VPS13B: variants seen among roughly 807,000 people sequenced by gnomAD.
VPS13B encodes vacuolar protein sorting 13 homolog B.
A neutral mutation model predicts 426.4 loss-of-function variants in VPS13B; 285 were observed. The ratio of observed to expected loss-of-function variants is 0.67; its 90% CI spans 0.61 to 0.74. VPS13B has a LOEUF of 0.74. Ranked by LOEUF, VPS13B falls within the 30% of genes least tolerant of loss-of-function variation. The pLI is 0.00. For synonymous variants in VPS13B, 1,676 were observed against 1,676.4 expected (o/e 1.00, Z 0.01); for missense variants, 4,537 against 4,782.6 (o/e 0.95, Z 1.51).
At chr8:99,529,165 A>T (rs1178067759) in intron 30 of VPS13B, among the ~76,000 whole-genome samples, 2 of 152,182 alleles carry the variant, frequency 1.3e-5, no homozygotes, top group African/African-American at 2.4e-5. Context: ...AAGTGTATGC[A>T]ATACTCCTCC....
In VPS13B at chr8:99,425,300, G is replaced by A. The variant is rs182246087; in HGVS notation, c.3083-6237G>A. On this transcript the variant is annotated intron_variant, in intron 21 of 61. Transcript: ENST00000357162. Reference sequence around the variant, plus strand: ...TAGACCAATATCCCTGATGAACATCGATGCAAAAATCCTCAATAAAATACT... The same window carrying A: ...TAGACCAATATCCCTGATGAACATCAATGCAAAAATCCTCAATAAAATACT... Among the ~76,000 whole-genome samples, 471 of 152,224 alleles carry A rather than the reference G, an allele frequency of 3.1e-3. 2 individuals are homozygous for A. The highest frequency in any genetic ancestry group is 1.0e-2 in the African/African-American group (414 of 41,546).
chr8:99,080,003 A>G (rs971301707), intron 3 of VPS13B, among the ~76,000 whole-genome samples: 4 of 150,714 alleles, frequency 2.7e-5, no homozygotes, highest in Admixed American at 6.6e-5. Flanking sequence ...AATGTATCAT[A>G]TTATAATTAA....
intron 35 of VPS13B, among the ~76,000 whole-genome samples, chr8:99,666,086 A>T (rs1378447677): frequency 6.6e-6 from 1 of 152,210 alleles, no homozygotes; most frequent in Non-Finnish European, 1.5e-5. Flanking sequence ...AGCAATTGTG[A>T]ATGGGAGTTC....
In VPS13B at chr8:99,115,878, A is replaced by T. The variant is rs747875300; in HGVS notation, c.937+4A>T. 6.2e-7 allele frequency: 1 copy of T among 1,610,772 alleles called. No individual in the cohort carries two copies. Among genetic ancestry groups the T allele is most frequent in the Non-Finnish European group, 8.5e-7 (1 of 1,179,056 alleles). On this transcript the variant is annotated splice_donor_region_variant and intron_variant, in intron 7 of 61. Coordinates refer to ENST00000357162, the MANE Select transcript of VPS13B (RefSeq NM_152564.5). ...GATATGCTAGGAAACATTACAGGTA[A>T]TGTAAAACTTTATTAAACAAAAACT...
At chr8:99,695,439 A>C (rs902492037) in intron 35 of VPS13B, among the ~76,000 whole-genome samples, 2 of 149,866 alleles carry the variant, frequency 1.3e-5, no homozygotes, top group African/African-American at 4.9e-5. Flanking sequence ...TCAGTAAACT[A>C]TCGCAAGAAC....
intron 27 of VPS13B, among the ~76,000 whole-genome samples, chr8:99,505,579 C>A (rs1373290295): frequency 6.6e-6 from 1 of 152,078 alleles, no homozygotes; most frequent in African/African-American, 2.4e-5. Context: ...TTCAGGACAT[C>A]ACTGTTCATG....
intron 30 of VPS13B, among the ~76,000 whole-genome samples, chr8:99,523,463 T>C (rs747255538): frequency 1.4e-4 from 21 of 152,226 alleles, no homozygotes; most frequent in Non-Finnish European, 2.8e-4. Flanking sequence ...CCAATGGTGG[T>C]GGCAGCCACA....
At chr8:99,732,820 G>T (rs1195909291) in intron 39 of VPS13B, among the ~76,000 whole-genome samples, 1 of 152,224 alleles carries the variant, frequency 6.6e-6, no homozygotes, top group Non-Finnish European at 1.5e-5. Flanking sequence ...AGCATTCCTT[G>T]CCCTTCAAAA....
chr8:99,586,217 T>C (rs988198618), intron 33 of VPS13B, among the ~76,000 whole-genome samples: 6 of 152,200 alleles, frequency 3.9e-5, no homozygotes, highest in African/African-American at 1.4e-4. Flanking sequence ...CTTAAAACAG[T>C]ATAGGTTCCT....
chr8:99,543,620 A>G (rs1159576128), intron 30 of VPS13B, among the ~76,000 whole-genome samples: 1 of 151,688 alleles, frequency 6.6e-6, no homozygotes, highest in South Asian at 2.1e-4. Flanking sequence ...TTACAAGAAA[A>G]AAACAAACAA....
At chr8:99,432,281 C>T (rs1817155466) in intron 22 of VPS13B, among the ~76,000 whole-genome samples, 1 of 151,974 alleles carries the variant, frequency 6.6e-6, no homozygotes, top group Non-Finnish European at 1.5e-5. Flanking sequence ...CCAGAGACAT[C>T]CTTATAGAAT....
intron 2 of VPS13B, among the ~76,000 whole-genome samples, chr8:99,029,286 T>C (rs1842372754): frequency 1.4e-5 from 2 of 145,678 alleles, no homozygotes; most frequent in Admixed American, 6.9e-5. Context: ...CGCTCCTCAC[T>C]TTCCAGACTG....
At chr8:99,722,459 C>T (rs1393801740) in intron 39 of VPS13B, among the ~76,000 whole-genome samples, 1 of 151,486 alleles carries the variant, frequency 6.6e-6, no homozygotes, top group Admixed American at 6.6e-5. Flanking sequence ...TTTTATAATA[C>T]AAATCAGCTA....
chr8:99,227,995 C>T (rs944605382), intron 17 of VPS13B, among the ~76,000 whole-genome samples: 9 of 152,134 alleles, frequency 5.9e-5, no homozygotes, highest in African/African-American at 2.2e-4. Flanking sequence ...AAGCCATTTT[C>T]TCTCTTGGAC....
intron 6 of VPS13B, among the ~76,000 whole-genome samples, chr8:99,112,239 G>A (rs1419773292): frequency 6.6e-6 from 1 of 152,188 alleles, no homozygotes; most frequent in Non-Finnish European, 1.5e-5. Flanking sequence ...TTAATGTGGA[G>A]TAAATGTTTA....
At chr8:99,385,036 G>C (rs1588316516) in intron 20 of VPS13B, among the ~76,000 whole-genome samples, 1 of 152,110 alleles carries the variant, frequency 6.6e-6, no homozygotes, top group African/African-American at 2.4e-5. Context: ...CAACAAACAT[G>C]CATCGAATAC....
At position 99,784,465 on chromosome 8, in the gene VPS13B, A is replaced by G; in HGVS notation, c.7930A>G (p.Lys2644Glu). ...TCACCAGTACAGCTGGCGCTCTCAC[A>G]AATCCCCACAGGTATTTGAGAAACA... The part of the protein sequence containing the change: ...HSHQYSWRSH[K>E]SPQLLHICIE... Residue 2644 changes from lysine to glutamate, a missense_variant, in exon 43 of 62, where the codon AAA becomes GAA. This residue lies in a region of VPS13B where 4,311 missense variants were observed against 4,474.3 expected (regional missense o/e 0.96). Coordinates refer to ENST00000357162, the MANE Select transcript of VPS13B (RefSeq NM_152564.5). The G allele has an allele frequency of 6.2e-7, 1 of 1,613,616 alleles. No individual in the cohort carries two copies. Among genetic ancestry groups the G allele is most frequent in the Non-Finnish European group, 8.5e-7 (1 of 1,179,646 alleles).
chr8:99,231,910 A>G (rs374295991), intron 17 of VPS13B, among the ~76,000 whole-genome samples: 19 of 152,304 alleles, frequency 1.2e-4, no homozygotes, highest in African/African-American at 3.6e-4. Flanking sequence ...GACAAAATAC[A>G]TTCTTTCATT....
intron 3 of VPS13B, among the ~76,000 whole-genome samples, chr8:99,047,078 T>A (rs926549983): frequency 3.3e-5 from 5 of 152,164 alleles, no homozygotes; most frequent in African/African-American, 9.7e-5. Context: ...TTCTCTATCA[T>A]GTGGAATACT....
Sources: allele counts gnomAD v4.1 joint callset (sites outside exome capture counted in the v4.1 genomes callset), GRCh38; gene constraint gnomAD v4.1.1; regional missense constraint gnomAD v4.1.1; transcripts MANE v1.5; gene names NCBI Gene and HGNC (gene_info 2026-07-23, HGNC 2026-07-21).